Variants in ABCA12 observed in about 807,000 individuals in gnomAD.
ABCA12 encodes ATP binding cassette subfamily A member 12, also known as glucosylceramide transporter ABCA12.
A neutral mutation model predicts 293.5 loss-of-function variants in ABCA12; 156 were observed. The observed-to-expected ratio is 0.53, with a 90% CI of 0.47 to 0.61. ABCA12 has a LOEUF of 0.61. ABCA12 is among the 20% of genes least tolerant of loss of function. The pLI is 0.00. For synonymous variants in ABCA12, 1,063 were observed against 1,108.0 expected (o/e 0.96, Z 0.81); for missense variants, 2,797 against 3,090.2 (o/e 0.91, Z 2.25).
At chr2:215,118,345 C>T (rs934085183) in intron 1 of ABCA12, among the ~76,000 whole-genome samples, 2 of 151,946 alleles carry the variant, frequency 1.3e-5, no homozygotes, top group Non-Finnish European at 1.5e-5. Flanking sequence ...GAGGTTGCAG[C>T]GAGCCGAGAT....
intron 3 of ABCA12, among the ~76,000 whole-genome samples, chr2:215,057,483 C>G (rs1701442540): frequency 6.6e-6 from 1 of 151,980 alleles, no homozygotes; most frequent in African/African-American, 2.4e-5. Flanking sequence ...TGGATGTATC[C>G]CATTATTTTA....
Position 214,975,191 on chromosome 2 carries a change from G to A in ABCA12, c.5382-327C>T, listed in dbSNP as rs141817130. On this transcript the variant is annotated intron_variant, in intron 34 of 52. Transcript: ENST00000272895. ...CGTTGGCAGGATGGTCTCAAACTCTGGAGCTCAAGTAATCAGCCCACCTTG... is the reference window on the plus strand; with the variant it reads ...CGTTGGCAGGATGGTCTCAAACTCTAGAGCTCAAGTAATCAGCCCACCTTG... 4.8e-3 allele frequency among the ~76,000 whole-genome samples: 727 copies of A among 152,244 alleles called. 6 individuals are homozygous for A. The highest frequency in any genetic ancestry group is 0.015 in the African/African-American group (625 of 41,566).
intron 30 of ABCA12, among the ~76,000 whole-genome samples, chr2:214,981,959 TATTATTATTA>T (rs1386645312): frequency 1.9e-4 from 25 of 135,040 alleles, no homozygotes; most frequent in African/African-American, 6.0e-4. Context: ...TTATTATTAT[TATTATTATTA>T]TTATTATTAT....
intron 8 of ABCA12, among the ~76,000 whole-genome samples, chr2:215,034,803 A>C (rs1035572306): frequency 2.0e-5 from 3 of 152,218 alleles, no homozygotes; most frequent in African/African-American, 7.2e-5. Context: ...CAGATACTAA[A>C]GTACTGAGCA....
intron 52 of ABCA12, among the ~76,000 whole-genome samples, chr2:214,933,744 C>G (rs1179188584): frequency 6.6e-6 from 1 of 152,126 alleles, no homozygotes; most frequent in East Asian, 1.9e-4. Flanking sequence ...TAGAAATGTT[C>G]TTTAAGAAAC....
intron 47 of ABCA12, 106 bp downstream of exon 47, chr2:214,948,490 G>C: frequency 8.1e-7 from 1 of 1,235,444 alleles, no homozygotes. Flanking sequence ...AGGTGGTTTT[G>C]AGGGGAAATG....
In ABCA12 at chr2:215,000,839, C is replaced by A. The variant is rs1286569225; in HGVS notation, c.3045G>T (p.Gln1015His). The A allele has an allele frequency of 6.2e-7, 1 of 1,614,100 alleles. No individual in the cohort carries two copies. Among genetic ancestry groups the A allele is most frequent in the Admixed American group, 1.7e-5 (1 of 60,010 alleles). The change falls in exon 22 of 53, where the codon CAG becomes CAT. Residue 1015 changes from glutamine (Q) to histidine (H), a missense_variant. Transcript: ENST00000272895. Reference sequence around the variant, plus strand: ...AATAAATAAAAGCCCTGCCATAGATCTGGTTGTGTGATGGAGAATTGTGTG... The same window carrying A: ...AATAAATAAAAGCCCTGCCATAGATATGGTTGTGTGATGGAGAATTGTGTG... Reference protein sequence around the residue: ...PGPHNSPSHNQIYGRAFIYLQ... With the variant: ...PGPHNSPSHNHIYGRAFIYLQ...
chr2:215,087,487 C>CGTGTGTGTGTGTGTGTGTGTGTGTGT (rs3050135), intron 2 of ABCA12, among the ~76,000 whole-genome samples: 1 of 149,522 alleles, frequency 6.7e-6, no homozygotes, highest in African/African-American at 2.5e-5. Context: ...ATACAGGCTT[C>CGTGTGTGTGTGTGTGTGTGTGTGTGT]GTGTGTGTGT....
chr2:214,980,439 T>A (rs1489579404), intron 31 of ABCA12, 44 bp downstream of exon 31: 2 of 1,610,928 alleles, frequency 1.2e-6, no homozygotes, highest in Non-Finnish European at 1.7e-6. Context: ...ATATAAAACT[T>A]AATTTATGGT....
chr2:215,033,674 G>A (rs1383906772), intron 8 of ABCA12, among the ~76,000 whole-genome samples: 1 of 152,114 alleles, frequency 6.6e-6, no homozygotes, highest in Non-Finnish European at 1.5e-5. Flanking sequence ...GGGCACAGTG[G>A]CTCATGCCTG....
In ABCA12 at chr2:214,970,392, A is replaced by C; in HGVS notation, c.5571T>G (p.Pro1857=). The C allele has an allele frequency of 6.2e-7, 1 of 1,613,246 alleles. No individual in the cohort carries two copies. The highest frequency in any genetic ancestry group is 8.5e-7 in the Non-Finnish European group (1 of 1,179,388). The change falls in exon 37 of 53, where the codon CCT becomes CCG. Residue 1857 remains proline (P), a synonymous_variant. Transcript: ENST00000272895. The stretch of plus-strand genomic sequence containing the variant: ...TGTGCGGTGGGGAATAGTTAAATTT[A>C]GGACATTCCTGGAAAATAAAGTTAA... The part of the protein sequence containing the change: ...CSCSENVQEC[P]KFNYSPPHRR...
At chr2:214,987,509 C>A in intron 27 of ABCA12, 138 bp downstream of exon 27, 1 of 1,129,162 alleles carries the variant, frequency 8.9e-7, no homozygotes. Flanking sequence ...AGTCCAAAGA[C>A]GCATGTGTAG....
At chr2:215,084,065 C>A (rs1005978316) in intron 2 of ABCA12, among the ~76,000 whole-genome samples, 2 of 152,118 alleles carry the variant, frequency 1.3e-5, no homozygotes, top group East Asian at 3.9e-4. Flanking sequence ...GCAGCCCCGA[C>A]CTCCTGGGAT....
chr2:214,961,514 G>C (rs1699112328), intron 39 of ABCA12, among the ~76,000 whole-genome samples: 1 of 152,056 alleles, frequency 6.6e-6, no homozygotes, highest in South Asian at 2.1e-4. Flanking sequence ...TTAAAAAGCT[G>C]ACCCTTCAAA....
intron 50 of ABCA12, among the ~76,000 whole-genome samples, chr2:214,938,094 A>G (rs1698277295): frequency 6.6e-6 from 1 of 151,766 alleles, no homozygotes; most frequent in African/African-American, 2.4e-5. Flanking sequence ...TCCTAATGCT[A>G]TCCCTCCCCT....
Position 214,945,249 on chromosome 2 carries a change from T to C in ABCA12, c.7240-145A>G, listed in dbSNP as rs563986389. 4.2e-5 allele frequency: 28 copies of C among 670,978 alleles called. No individual in the cohort carries two copies. The East Asian group carries it at 6.1e-4, about 15-fold the overall frequency. 41.6% of individuals were successfully genotyped at this position (670,978 alleles called of 1,614,324 possible). A position where few individuals can be genotyped will look rare whatever the true frequency, so the allele number is the denominator to read the frequency against. On this transcript the variant is annotated intron_variant, in intron 48 of 52. Coordinates refer to ENST00000272895, the MANE Select transcript of ABCA12 (RefSeq NM_173076.3). ...ACTTGTTTTATACTTAATAGACTTCTTTCTGCTGCTGTCAAAAAGTTCAAA... is the reference window on the plus strand; with the variant it reads ...ACTTGTTTTATACTTAATAGACTTCCTTCTGCTGCTGTCAAAAAGTTCAAA...
intron 39 of ABCA12, among the ~76,000 whole-genome samples, chr2:214,965,076 A>T (rs1366402254): frequency 6.6e-6 from 1 of 152,164 alleles, no homozygotes; most frequent in Admixed American, 6.5e-5. Flanking sequence ...AAGACCACAT[A>T]CCTACGACCA....
intron 2 of ABCA12, among the ~76,000 whole-genome samples, chr2:215,088,996 T>C (rs771125935): frequency 3.9e-5 from 6 of 152,160 alleles, no homozygotes; most frequent in Non-Finnish European, 5.9e-5. Flanking sequence ...TAATAAATAT[T>C]TATTGAACAT....
At chr2:215,111,187 G>A (rs954362986) in intron 2 of ABCA12, among the ~76,000 whole-genome samples, 2 of 152,194 alleles carry the variant, frequency 1.3e-5, no homozygotes, top group African/African-American at 4.8e-5. Context: ...AGAGAGAGAA[G>A]GGATTTGTAT....
Sources: gnomAD v4.1 joint callset for allele counts (sites outside exome capture counted in the v4.1 genomes callset) on GRCh38, gnomAD v4.1.1 for gene constraint, MANE v1.5 for transcripts, NCBI Gene and HGNC (gene_info 2026-07-23, HGNC 2026-07-21) for gene names.